Variants in NTM observed in about 807,000 individuals in gnomAD.
NTM encodes the protein neurotrimin, also known as IgLON family member 2.
In NTM, 13 loss-of-function variants were observed where a neutral mutation model predicts 42.1. That is an observed-to-expected ratio of 0.31 (90% CI 0.20 to 0.49). NTM has a LOEUF of 0.49. Among genes scored for constraint, NTM ranks in the 20% least tolerant of loss-of-function variants. The probability of loss-of-function intolerance (pLI) is 0.99; values close to 1 mark genes in which losing one functional copy is unlikely to be tolerated. For missense variants in NTM, 373 were observed against 452.8 expected (o/e 0.82, Z 1.60); for synonymous variants, 187 against 179.2 (o/e 1.04, Z -0.35).
chr11:131,823,716 G>A (rs886650085), intron 1 of NTM, among the ~76,000 whole-genome samples: 2 of 152,160 alleles, frequency 1.3e-5, no homozygotes, highest in African/African-American at 4.8e-5. Flanking sequence ...TTACCTCAAT[G>A]TGCATTGCTT....
At chr11:131,921,344 A>T (rs2057198577) in intron 2 of NTM, among the ~76,000 whole-genome samples, 1 of 152,222 alleles carries the variant, frequency 6.6e-6, no homozygotes, top group African/African-American at 2.4e-5. Context: ...CAACAAAGGC[A>T]GAGGCTGTAG....
chr11:131,449,836 C>G (rs1169755790), intron 1 of NTM, among the ~76,000 whole-genome samples: 1 of 152,166 alleles, frequency 6.6e-6, no homozygotes, highest in Non-Finnish European at 1.5e-5. Context: ...TACGAACAGG[C>G]TCCACTGTCA....
chr11:131,435,953 T>C (rs1167977761), intron 1 of NTM, among the ~76,000 whole-genome samples: 1 of 152,226 alleles, frequency 6.6e-6, no homozygotes, highest in African/African-American at 2.4e-5. Flanking sequence ...TATTTTAAGA[T>C]ACGTTCCGTC....
chr11:131,622,428 C>T (rs1009423427), intron 1 of NTM, among the ~76,000 whole-genome samples: 8 of 152,142 alleles, frequency 5.3e-5, no homozygotes, highest in African/African-American at 7.2e-5. Context: ...TTGTATGCTC[C>T]GTGTCGCCAA....
intron 1 of NTM, among the ~76,000 whole-genome samples, chr11:131,640,573 T>A (rs2065011395): frequency 6.6e-6 from 1 of 152,174 alleles, no homozygotes. Flanking sequence ...GTTACTTTCC[T>A]AGTGAAATGT....
chr11:131,482,979 T>C lies in NTM; in HGVS notation c.82+112091T>C, dbSNP rs140652108. Among the ~76,000 whole-genome samples, 680 of 152,298 alleles carry C rather than the reference T, an allele frequency of 4.5e-3. 2 individuals are homozygous for C. Among genetic ancestry groups the C allele is most frequent in the African/African-American group, 0.015 (611 of 41,558 alleles). On this transcript the variant is annotated intron_variant, in intron 1 of 8. Coordinates refer to ENST00000683400, the MANE Select transcript of NTM (RefSeq NM_001352005.2). ...GCAGAGGAAAGTTAATTTTAAGAAGTCTAGCTGATGGTTATCAAGCAGATC... is the reference window on the plus strand; with the variant it reads ...GCAGAGGAAAGTTAATTTTAAGAAGCCTAGCTGATGGTTATCAAGCAGATC...
intron 1 of NTM, among the ~76,000 whole-genome samples, chr11:131,452,891 G>C: frequency 6.6e-6 from 1 of 152,312 alleles, no homozygotes; most frequent in African/African-American, 2.4e-5. Flanking sequence ...GTGCAGGGCT[G>C]GGGGCAAGGG....
At chr11:132,135,675 G>A (rs1403059985) in intron 2 of NTM, among the ~76,000 whole-genome samples, 1 of 152,218 alleles carries the variant, frequency 6.6e-6, no homozygotes, top group African/African-American at 2.4e-5. Flanking sequence ...CTGTGGAGGT[G>A]GGGGTGCAAA....
chr11:131,524,024 CT>C (rs2050121695), intron 1 of NTM, among the ~76,000 whole-genome samples: 1 of 152,116 alleles, frequency 6.6e-6, no homozygotes, highest in South Asian at 2.1e-4. Context: ...GGTAGTGTGC[CT>C]TTGGTCTAGT....
At chr11:131,942,735 CAGGAGTTTGAG>C (rs1338589296) in intron 2 of NTM, among the ~76,000 whole-genome samples, 15 of 152,106 alleles carry the variant, frequency 9.9e-5, no homozygotes, top group African/African-American at 3.6e-4. Context: ...CGTTTGAGGT[CAGGAGTTTGAG>C]ACCAGCCTGG....
chr11:132,273,309 GTTTTTTTTTTTTTTT>G (rs57877862), intron 4 of NTM, among the ~76,000 whole-genome samples: 2 of 55,656 alleles, frequency 3.6e-5, no homozygotes, highest in Admixed American at 2.8e-4. Context: ...GTTGACTAGT[GTTTTTTTTTTTTTTT>G]TTTTTTTTTT....
At position 132,003,703 on chromosome 11, in the gene NTM, T is replaced by G. The variant is rs34903124; in HGVS notation, c.167+92055T>G. Reference sequence around the variant, plus strand: ...CTGTAGCTCAATCACATGTCCCACATGGAGCCCACTCTTTCCCATGGTACA... The same window carrying G: ...CTGTAGCTCAATCACATGTCCCACAGGGAGCCCACTCTTTCCCATGGTACA... On this transcript the variant is annotated intron_variant, in intron 2 of 8. Coordinates refer to ENST00000683400, the MANE Select transcript of NTM (RefSeq NM_001352005.2). This position sits in a 1 kb window ranked among gnomAD's most constrained non-coding sequence, Gnocchi z 6.0. Among the ~76,000 whole-genome samples the G allele has an allele frequency of 0.058, 8,879 of 151,806 alleles. 364 individuals are homozygous for G. The highest frequency in any genetic ancestry group is 0.13 in the Middle Eastern group (35 of 276).
At chr11:131,738,944 C>T (rs2080835579) in intron 1 of NTM, among the ~76,000 whole-genome samples, 1 of 152,170 alleles carries the variant, frequency 6.6e-6, no homozygotes, top group African/African-American at 2.4e-5. Flanking sequence ...GAATGAGATT[C>T]TATGGTCTCT....
chr11:132,029,013 C>T (rs1038868943), intron 2 of NTM, among the ~76,000 whole-genome samples: 9 of 151,990 alleles, frequency 5.9e-5, no homozygotes, highest in African/African-American at 2.2e-4. Flanking sequence ...TTTAGTTTTT[C>T]TATCCTGATA....
chr11:132,330,322 C>A (rs2095778428), intron 8 of NTM, 137 bp downstream of exon 8: 2 of 898,840 alleles, frequency 2.2e-6, no homozygotes, highest in Non-Finnish European at 3.4e-6. Flanking sequence ...AACCTTCAAC[C>A]ATCTCCGTGT....
At position 131,911,330 on chromosome 11, in the gene NTM, CTG is replaced by C. The variant is rs1231083729; in HGVS notation, c.83-233_83-232del. ...GGAGGAATATTAGACTCGGAGGAGTCTGCGCGCTTTTCTCCTCCCCGCGCCTC... is the reference window on the plus strand; with the variant it reads ...GGAGGAATATTAGACTCGGAGGAGTCCGCGCTTTTCTCCTCCCCGCGCCTC... On this transcript the variant is annotated intron_variant, in intron 1 of 8. Transcript: ENST00000683400. The C allele has an allele frequency of 3.4e-6, 5 of 1,479,994 alleles. No individual in the cohort carries two copies. In the African/African-American group the frequency reaches 7.1e-5, roughly 21 times the overall value. The allele number at this position is 1,479,994 out of a possible 1,614,324, so 91.7% of individuals were successfully genotyped here.
chr11:132,179,930 T>G (rs930013330), intron 3 of NTM, among the ~76,000 whole-genome samples: 4 of 152,194 alleles, frequency 2.6e-5, no homozygotes, highest in Non-Finnish European at 4.4e-5. Context: ...CCTGGTATGC[T>G]TCTTAACATC....
chr11:131,975,071 C>T (rs1438669233), intron 2 of NTM, among the ~76,000 whole-genome samples: 1 of 152,176 alleles, frequency 6.6e-6, no homozygotes, highest in Non-Finnish European at 1.5e-5. Context: ...TCTGACCTAT[C>T]TTGTGCCTTA....
intron 4 of NTM, among the ~76,000 whole-genome samples, chr11:132,290,137 T>G (rs2094405320): frequency 6.6e-6 from 1 of 152,238 alleles, no homozygotes; most frequent in African/African-American, 2.4e-5. Flanking sequence ...TTTATGTATT[T>G]TTGTCAGTTA....
Sources: gnomAD v4.1 joint callset for allele counts (sites outside exome capture counted in the v4.1 genomes callset) on GRCh38, gnomAD v4.1.1 for gene constraint, Gnocchi (gnomAD v3.1) non-coding constraint, MANE v1.5 for transcripts, NCBI Gene and HGNC (gene_info 2026-07-23, HGNC 2026-07-21) for gene names.